Variants in AMTN observed in about 807,000 individuals in gnomAD.
AMTN encodes the protein RSTI689.
Under a neutral mutation model 27.4 loss-of-function variants are expected in AMTN, and 29 were observed. The observed-to-expected ratio is 1.06, with a 90% CI of 0.79 to 1.44. AMTN has a LOEUF of 1.44. Ranked by LOEUF, AMTN falls within the 40% of genes most tolerant of loss-of-function variation. The probability of loss-of-function intolerance (pLI) is 0.00; values close to 1 mark genes in which losing one functional copy is unlikely to be tolerated. For synonymous variants in AMTN, 86 were observed against 95.7 expected, an observed-to-expected ratio of 0.90 and a Z score of 0.59; for missense variants, 247 against 248.8, an observed-to-expected ratio of 0.99 and a Z score of 0.05.
chr4:70,527,135 G>T (rs943331603), intron 5 of AMTN, among the ~76,000 whole-genome samples: 2 of 152,160 alleles, frequency 1.3e-5, no homozygotes, highest in African/African-American at 4.8e-5. Flanking sequence ...TTTAAAATGG[G>T]CATTAAAGTA....
intron 2 of AMTN, among the ~76,000 whole-genome samples, chr4:70,519,818 A>G (rs889650532): frequency 2.0e-5 from 3 of 151,834 alleles, no homozygotes; most frequent in African/African-American, 7.3e-5. Context: ...TATTTATGTG[A>G]AGGAAATGAA....
At chr4:70,519,820 G>A (rs187433661) in intron 2 of AMTN, among the ~76,000 whole-genome samples, 13 of 151,714 alleles carry the variant, frequency 8.6e-5, no homozygotes, top group African/African-American at 2.9e-4. Context: ...TTTATGTGAA[G>A]GAAATGAACA....
intron 2 of AMTN, among the ~76,000 whole-genome samples, chr4:70,519,709 AAC>A (rs1735908163): frequency 1.1e-5 from 1 of 93,732 alleles, no homozygotes; most frequent in African/African-American, 4.1e-5. Context: ...TTTTTTTTTT[AAC>A]TTTTTTTTTA....
intron 7 of AMTN, among the ~76,000 whole-genome samples, chr4:70,530,765 G>GA (rs1252867558): frequency 2.6e-5 from 4 of 151,878 alleles, no homozygotes; most frequent in East Asian, 1.9e-4. Flanking sequence ...CTTATTTTTT[G>GA]AAAAAATGTT....
chr4:70,520,400 G>A (rs1369959955), intron 2 of AMTN, among the ~76,000 whole-genome samples: 1 of 152,088 alleles, frequency 6.6e-6, no homozygotes, highest in Non-Finnish European at 1.5e-5. Flanking sequence ...TTGCAAATGT[G>A]GACACATACA....
At chr4:70,524,756 A>G in intron 4 of AMTN, 116 bp from the exon 5 acceptor site, 4 of 942,122 alleles carry the variant, frequency 4.2e-6, no homozygotes, top group Admixed American at 4.0e-5. Context: ...AACACTATGT[A>G]TTTACATAGC....
At chr4:70,530,612 A>G (rs1195427668) in intron 7 of AMTN, among the ~76,000 whole-genome samples, 1 of 152,216 alleles carries the variant, frequency 6.6e-6, no homozygotes, top group Non-Finnish European at 1.5e-5. Context: ...ATCTTCAAGG[A>G]ACATACAATA....
Position 70,523,862 on chromosome 4 carries a change from C to G in AMTN, c.139-6C>G, listed in dbSNP as rs774730814. On this transcript the variant is annotated splice_region_variant and splice_polypyrimidine_tract_variant and intron_variant, in intron 3 of 8. Transcript: ENST00000339336. ...TGTCTCATACATCACTTTCAATCCC[C>G]TGCAGGTCTTTCCTTCTTTAAGTCT... is the stretch of plus-strand genomic sequence containing the variant. 10 of 1,613,216 alleles carry G rather than the reference C, an allele frequency of 6.2e-6. No homozygotes were observed. Among genetic ancestry groups the G allele is most frequent in the Admixed American group, 1.7e-5 (1 of 59,998 alleles).
intron 2 of AMTN, among the ~76,000 whole-genome samples, chr4:70,521,350 A>C (rs1735960786): frequency 6.8e-6 from 1 of 148,074 alleles, no homozygotes; most frequent in Non-Finnish European, 1.5e-5. Flanking sequence ...ATTGCACTCC[A>C]ATCTGGACAG....
Position 70,521,977 on chromosome 4 carries a change from C to T in AMTN, c.55-778C>T, listed in dbSNP as rs1197177222. Among the ~76,000 whole-genome samples the T allele has an allele frequency of 2.0e-5, 3 of 152,246 alleles. No homozygotes were observed. In the East Asian group the frequency reaches 5.8e-4, roughly 29 times the overall value. On this transcript the variant is annotated intron_variant, in intron 2 of 8. Coordinates refer to ENST00000339336, the MANE Select transcript of AMTN (RefSeq NM_212557.4). ...ATTCCAGCGTGAAACCAAAACTGCT[C>T]CAGGGTAACCTTAGATGACTCAAGG...
chr4:70,528,769 T>G lies in AMTN; in HGVS notation c.330+11T>G. 1 of 1,583,352 alleles carries G rather than the reference T, an allele frequency of 6.3e-7. No homozygotes were observed. The highest frequency in any genetic ancestry group is 8.6e-7 in the Non-Finnish European group (1 of 1,168,488). ...CAACTTGGAGCCCAGGTAAAAATTATGCTTAATATTGTCTTGATTTTAAAT... is the reference window on the plus strand; with the variant it reads ...CAACTTGGAGCCCAGGTAAAAATTAGGCTTAATATTGTCTTGATTTTAAAT... On this transcript the variant is annotated intron_variant, in intron 6 of 8. Transcript: ENST00000339336.
intron 8 of AMTN, among the ~76,000 whole-genome samples, chr4:70,532,225 G>A (rs3864159): frequency 0.35 from 53,559 of 151,890 alleles, 10,692 homozygotes; most frequent in Admixed American, 0.46. Context: ...CCCATCTGCC[G>A]TTCTTAGATG....
Position 70,531,057 on chromosome 4 carries a change from C to A in AMTN, c.376C>A (p.Leu126Ile). The A allele has an allele frequency of 2.5e-6, 4 of 1,613,960 alleles. No individual in the cohort carries two copies. Among genetic ancestry groups the A allele is most frequent in the Non-Finnish European group, 3.4e-6 (4 of 1,179,916 alleles). The change falls in exon 8 of 9, where the codon CTC becomes ATC. Residue 126 changes from leucine to isoleucine, a missense_variant. Transcript: ENST00000339336. ...SEELPQIFTS[L>I]IIHSLFPGGI... ...ATTCCAGCCACAAATCTTCACGAGC[C>A]TCATCATCCATTCCTTGTTCCCGGG... is the stretch of plus-strand genomic sequence containing the variant.
intron 5 of AMTN, among the ~76,000 whole-genome samples, chr4:70,527,875 A>G (rs28537823): frequency 0.12 from 17,726 of 152,190 alleles, 1,283 homozygotes; most frequent in Middle Eastern, 0.23. Context: ...TTAGTTTGTT[A>G]TCAGTGACCC....
intron 5 of AMTN, among the ~76,000 whole-genome samples, chr4:70,525,901 A>T (rs1340243867): frequency 1.3e-5 from 2 of 151,786 alleles, no homozygotes; most frequent in Non-Finnish European, 2.9e-5. Context: ...TTCTGTCTCA[A>T]AAAAAAAGAG....
rs376548671 is a variant in AMTN at position 70,524,959 on chromosome 4, C to T, written c.292C>T (p.His98Tyr). The T allele has an allele frequency of 7.1e-5, 114 of 1,613,526 alleles. No individual in the cohort carries two copies. The highest frequency in any genetic ancestry group is 9.2e-5 in the Non-Finnish European group (109 of 1,179,604). Residue 98 changes from histidine (H) to tyrosine (Y), a missense_variant and splice_region_variant, in exon 5 of 9, where the codon CAT becomes TAT. Physicochemically the swap from His to Tyr is moderately conservative, Grantham distance 83. Transcript: ENST00000339336. ...GLNVQQQLHP[H>Y]VLPIFVTQLG... is the part of the protein sequence containing the mutation. ...GAATGTACAACAGCAACTGCACCCA[C>T]ATGTAAGTTGAACAGCTGGACCTTA...
chr4:70,521,765 G>A (rs772539349), intron 2 of AMTN, among the ~76,000 whole-genome samples: 71 of 143,056 alleles, frequency 5.0e-4, no homozygotes, highest in Non-Finnish European at 8.4e-4. Flanking sequence ...GACTATAAGC[G>A]TGCACCACCA....
chr4:70,525,101 C>A, intron 5 of AMTN, 140 bp downstream of exon 5: 1 of 696,110 alleles, frequency 1.4e-6, no homozygotes, highest in Non-Finnish European at 2.4e-6. Context: ...GAACATAGAC[C>A]AGTATTTGAC....
At chr4:70,519,867 C>T (rs1315152352) in intron 2 of AMTN, among the ~76,000 whole-genome samples, 2 of 151,636 alleles carry the variant, frequency 1.3e-5, no homozygotes, top group African/African-American at 2.4e-5. Context: ...AAGCAAGATA[C>T]GGTAGCCAAC....
Sources: allele counts gnomAD v4.1 joint callset (sites outside exome capture counted in the v4.1 genomes callset), GRCh38; gene constraint gnomAD v4.1.1; transcripts MANE v1.5; gene names NCBI Gene and HGNC (gene_info 2026-07-23, HGNC 2026-07-21).